The following DOCK4 variants were observed in gnomAD, a reference collection of about 807,000 sequenced individuals.
DOCK4 encodes the protein dedicator of cytokinesis protein 4.
In DOCK4, 97 loss-of-function variants were observed where a neutral mutation model predicts 268.1. That is an observed-to-expected ratio of 0.36 (90% confidence interval 0.31 to 0.43). The LOEUF (loss-of-function observed/expected upper bound fraction) is 0.43, where lower values mean the gene tolerates loss of function less well. Ranked by LOEUF, DOCK4 falls within the 20% of genes least tolerant of loss-of-function variation. The pLI is 1.00. For missense variants in DOCK4, 2,145 were observed against 2,455.7 expected (o/e 0.87, Z 2.67); for synonymous variants, 954 against 887.2 (o/e 1.08, Z -1.34).
At chr7:112,030,371 T>A (rs1803166316) in intron 1 of DOCK4, among the ~76,000 whole-genome samples, 1 of 152,220 alleles carries the variant, frequency 6.6e-6, no homozygotes, top group Non-Finnish European at 1.5e-5. Flanking sequence ...CTTGGCTGTG[T>A]TAGTGCCGCC....
intron 26 of DOCK4, among the ~76,000 whole-genome samples, chr7:111,832,240 C>CT (rs770971006): frequency 2.0e-5 from 3 of 152,186 alleles, no homozygotes; most frequent in Non-Finnish European, 2.9e-5. Context: ...AACCTCAGTT[C>CT]TCAGCTGAGA....
In DOCK4 at chr7:111,728,715, A is replaced by G. The variant is rs1231754218; in HGVS notation, c.5487T>C (p.Ser1829=). 1.2e-6 allele frequency: 2 copies of G among 1,609,410 alleles called. No homozygotes were observed. Among genetic ancestry groups the G allele is most frequent in the African/African-American group, 1.3e-5 (1 of 74,852 alleles). The change falls in exon 53 of 53, where the codon TCT becomes TCC. Residue 1829 remains serine (S), a synonymous_variant. Coordinates refer to ENST00000428084, the MANE Select transcript of DOCK4 (RefSeq NM_001363540.2). ...CTGGAGAGGGGGTGAAAGACTGCACAGAGCCCTGCTCCGGGGAGAAGGAAA... is the reference window on the plus strand; with the variant it reads ...CTGGAGAGGGGGTGAAAGACTGCACGGAGCCCTGCTCCGGGGAGAAGGAAA... ...SPAGRSPLKG[S]VQSFTPSPVE...
At chr7:112,056,206 C>A (rs149985510) in intron 1 of DOCK4, among the ~76,000 whole-genome samples, 2 of 151,908 alleles carry the variant, frequency 1.3e-5, no homozygotes, top group Admixed American at 6.6e-5. Flanking sequence ...ATAATTAGCC[C>A]CTCTGTAAGA....
rs772136921 is a variant in DOCK4, at chr7:111,784,060, A to G, written c.3428+37T>C. The G allele has an allele frequency of 5.7e-6, 9 of 1,579,678 alleles. No individual in the cohort carries two copies. The Admixed American group carries it at 8.9e-5, about 16-fold the overall frequency. On this transcript the variant is annotated intron_variant, in intron 33 of 52. Transcript: ENST00000428084. ...TAAATGCCTTAGCAACCACTGCAAC[A>G]TCTCACAAGTAGCACAATTTGCAAA...
At chr7:111,729,114 G>A (rs974436901) in intron 52 of DOCK4, among the ~76,000 whole-genome samples, 2 of 152,308 alleles carry the variant, frequency 1.3e-5, no homozygotes, top group Admixed American at 1.3e-4. Context: ...GTGGTATTTT[G>A]TGAGGGAAGC....
intron 1 of DOCK4, among the ~76,000 whole-genome samples, chr7:112,176,731 C>CAAG (rs1013917396): frequency 6.6e-6 from 1 of 152,180 alleles, no homozygotes; most frequent in African/African-American, 2.4e-5. Context: ...AGTAAGCTGT[C>CAAG]TCTTGAGTGC....
rs147749730 is a variant in DOCK4 at position 111,740,581 on chromosome 7, A to C, written c.5040+513T>G. ...AACCCCGTCTCTACTAAAAATACAA[A>C]AATTAGTCGGGCGTGGTGGTACACA... On this transcript the variant is annotated intron_variant, in intron 47 of 52. Transcript: ENST00000428084. Among the ~76,000 whole-genome samples, 1,187 of 150,930 alleles carry C rather than the reference A, an allele frequency of 7.9e-3. 13 individuals carry two copies. Among genetic ancestry groups the C allele is most frequent in the African/African-American group, 0.028 (1,144 of 41,178 alleles).
chr7:111,740,569 C>A (rs1795839123), intron 47 of DOCK4, among the ~76,000 whole-genome samples: 1 of 150,022 alleles, frequency 6.7e-6, no homozygotes, highest in South Asian at 2.1e-4. Flanking sequence ...CCCGTCTCTA[C>A]TAAAAATACA....
At chr7:111,959,793 T>C (rs561325228) in intron 8 of DOCK4, among the ~76,000 whole-genome samples, 4 of 152,326 alleles carry the variant, frequency 2.6e-5, no homozygotes, top group African/African-American at 7.2e-5. Context: ...TAGATTTTCC[T>C]TGTGACACAG....
chr7:112,023,245 T>C (rs1802494894), intron 1 of DOCK4, among the ~76,000 whole-genome samples: 2 of 152,174 alleles, frequency 1.3e-5, no homozygotes, highest in Admixed American at 1.3e-4. Context: ...CTTTTCTACG[T>C]ATCCTTCATG....
rs576368006 is a variant in DOCK4 at position 111,835,371 on chromosome 7, C to A, written c.2737-685G>T. 3.3e-4 allele frequency among the ~76,000 whole-genome samples: 50 copies of A among 152,264 alleles called. 1 individual carries two copies. Among genetic ancestry groups the A allele is most frequent in the African/African-American group, 1.1e-3 (46 of 41,554 alleles). The stretch of plus-strand genomic sequence containing the variant: ...TTCAGATGTCTTGGAAGATTGAAAA[C>A]AATTTTTTTAATTGGCCATTCTTTT... On this transcript the variant is annotated intron_variant, in intron 25 of 52. Transcript: ENST00000428084.
In DOCK4 at chr7:111,819,765, C is replaced by G. The variant is rs370917493; in HGVS notation, c.2930+2597G>C. The G allele has an allele frequency of 1.8e-4, 27 of 152,322 alleles. 1 individual carries two copies. The highest frequency in any genetic ancestry group is 7.7e-4 in the East Asian group (4 of 5,174). The allele number at this position is 152,322 out of a possible 1,614,324, so 9.4% of individuals were successfully genotyped here. A position where few individuals can be genotyped will look rare whatever the true frequency, so the allele number is the denominator to read the frequency against. ...CAAGGGTAGAGCAATGGTGACTTCTCAGCCACCTGCTATCAATTTGACATG... is the reference window on the plus strand; with the variant it reads ...CAAGGGTAGAGCAATGGTGACTTCTGAGCCACCTGCTATCAATTTGACATG... On this transcript the variant is annotated intron_variant, in intron 27 of 52. Transcript: ENST00000428084.
chr7:111,751,228 G>T (rs1428795183), intron 42 of DOCK4, among the ~76,000 whole-genome samples: 1 of 152,120 alleles, frequency 6.6e-6, no homozygotes, highest in Non-Finnish European at 1.5e-5. Context: ...AGGTGACAGA[G>T]AAACATGTTA....
chr7:111,863,218 T>C (rs1805695178), intron 23 of DOCK4, 154 bp downstream of exon 23: 2 of 724,286 alleles, frequency 2.8e-6, no homozygotes, highest in Middle Eastern at 4.8e-4. Context: ...ACTTTTGTAT[T>C]TGACTACTAA....
At chr7:112,019,210 C>A (rs566058653) in intron 1 of DOCK4, among the ~76,000 whole-genome samples, 1 of 152,124 alleles carries the variant, frequency 6.6e-6, no homozygotes, top group Non-Finnish European at 1.5e-5. Context: ...GAGGATGAGA[C>A]ATATTGTTCC....
chr7:111,870,630 G>A (rs1485082770), intron 20 of DOCK4, among the ~76,000 whole-genome samples: 1 of 152,034 alleles, frequency 6.6e-6, no homozygotes, highest in African/African-American at 2.4e-5. Flanking sequence ...CCAGTTCTTG[G>A]TTTCTAGGAA....
chr7:111,914,071 G>A (rs76244383), intron 13 of DOCK4, among the ~76,000 whole-genome samples: 2,605 of 152,122 alleles, frequency 0.017, 78 homozygotes, highest in African/African-American at 0.058. Context: ...TACCTCCTCA[G>A]GAAATTTTAA....
intron 3 of DOCK4, among the ~76,000 whole-genome samples, chr7:111,998,949 G>A (rs1272363335): frequency 6.6e-6 from 1 of 151,782 alleles, no homozygotes; most frequent in Non-Finnish European, 1.5e-5. Flanking sequence ...AAATATCACT[G>A]CAAATTTAGA....
At chr7:112,068,257 T>C (rs112719767) in intron 1 of DOCK4, among the ~76,000 whole-genome samples, 2,392 of 152,224 alleles carry the variant, frequency 0.016, 35 homozygotes, top group Non-Finnish European at 0.028. Flanking sequence ...GTGGTGAGAG[T>C]ACCTGCATCC....
Sources: allele counts gnomAD v4.1 joint callset (sites outside exome capture counted in the v4.1 genomes callset), GRCh38; gene constraint gnomAD v4.1.1; transcripts MANE v1.5; gene names NCBI Gene and HGNC (gene_info 2026-07-23, HGNC 2026-07-21).